The following MACROD2 variants were observed in gnomAD, a reference collection of about 807,000 sequenced individuals.
MACROD2 encodes mono-ADP ribosylhydrolase 2.
Under a neutral mutation model 70.4 loss-of-function variants are expected in MACROD2, and 36 were observed. The ratio of observed to expected loss-of-function variants is 0.51; its 90% confidence interval spans 0.39 to 0.68. MACROD2 has a LOEUF of 0.68. Ranked by LOEUF, MACROD2 falls within the 30% of genes least tolerant of loss-of-function variation. The probability of loss-of-function intolerance (pLI) is 0.00; values close to 1 mark genes in which losing one functional copy is unlikely to be tolerated. For missense variants in MACROD2, 496 were observed against 538.4 expected (o/e 0.92, Z 0.78); for synonymous variants, 172 against 178.8 (o/e 0.96, Z 0.30).
chr20:15,712,483 A>C (rs1446833451), intron 8 of MACROD2, among the ~76,000 whole-genome samples: 1 of 152,114 alleles, frequency 6.6e-6, no homozygotes, highest in African/African-American at 2.4e-5. Context: ...ATCAGATTAC[A>C]CATCTTATTT....
intron 4 of MACROD2, among the ~76,000 whole-genome samples, chr20:14,528,882 A>G (rs528598142): frequency 1.3e-5 from 2 of 152,148 alleles, no homozygotes; most frequent in Non-Finnish European, 2.9e-5. Flanking sequence ...TACCCACCCT[A>G]TGGAGGAAGG....
chr20:14,773,546 TG>T (rs2072197942), intron 5 of MACROD2, among the ~76,000 whole-genome samples: 2 of 152,176 alleles, frequency 1.3e-5, no homozygotes, highest in East Asian at 3.9e-4. Flanking sequence ...TTATCACAAA[TG>T]GGAGGATTTT....
intron 8 of MACROD2, among the ~76,000 whole-genome samples, chr20:15,522,918 T>C (rs1285191956): frequency 1.3e-5 from 2 of 152,198 alleles, no homozygotes; most frequent in Non-Finnish European, 2.9e-5. Context: ...CAAATTCACT[T>C]TCTGCCACCT....
At chr20:14,165,870 T>C (rs2055260745) in intron 3 of MACROD2, among the ~76,000 whole-genome samples, 1 of 152,208 alleles carries the variant, frequency 6.6e-6, no homozygotes, top group Non-Finnish European at 1.5e-5. Context: ...TTCAGGAACC[T>C]ATCTCTACTA....
At chr20:15,693,831 C>T (rs1049369098) in intron 8 of MACROD2, among the ~76,000 whole-genome samples, 1 of 152,116 alleles carries the variant, frequency 6.6e-6, no homozygotes, top group Non-Finnish European at 1.5e-5. Flanking sequence ...AGTACACACT[C>T]TACCATATTT....
At chr20:14,373,846 T>G (rs1362525821) in intron 3 of MACROD2, among the ~76,000 whole-genome samples, 3 of 152,192 alleles carry the variant, frequency 2.0e-5, no homozygotes, top group Non-Finnish European at 4.4e-5. Flanking sequence ...ATGCTCCTTG[T>G]TTTGTTTATT....
chr20:15,002,968 G>A (rs1329634118), intron 5 of MACROD2, among the ~76,000 whole-genome samples: 1 of 152,164 alleles, frequency 6.6e-6, no homozygotes, highest in African/African-American at 2.4e-5. Flanking sequence ...TGTCTGTACA[G>A]TGTGTGTTAC....
intron 8 of MACROD2, among the ~76,000 whole-genome samples, chr20:15,616,174 G>T (rs914223601): frequency 6.7e-6 from 1 of 148,758 alleles, no homozygotes; most frequent in Admixed American, 6.7e-5. Context: ...TGTGATCTCG[G>T]CCCACTGCGC....
intron 6 of MACROD2, among the ~76,000 whole-genome samples, chr20:15,271,758 G>A (rs1198407428): frequency 1.3e-5 from 2 of 152,184 alleles, no homozygotes; most frequent in Admixed American, 6.5e-5. Flanking sequence ...TATGGTAGCA[G>A]GCAAGCTGAT....
chr20:14,663,577 A>AT (rs1986343013), intron 4 of MACROD2, among the ~76,000 whole-genome samples: 1 of 151,532 alleles, frequency 6.6e-6, no homozygotes, highest in African/African-American at 2.4e-5. Context: ...TATATATATA[A>AT]AATGATGTGC....
chr20:15,126,111 C>CTTTTTTTT (rs5840654), intron 5 of MACROD2, among the ~76,000 whole-genome samples: 2 of 98,788 alleles, frequency 2.0e-5, no homozygotes, highest in Non-Finnish European at 3.9e-5. Context: ...ATTGTTTCAA[C>CTTTTTTTT]TTTTTTTTTT....
rs1191344231 is a variant in MACROD2, at chr20:14,275,629, A to G, written c.271+189901A>G. Among the ~76,000 whole-genome samples the G allele has an allele frequency of 5.3e-5, 8 of 151,940 alleles. 1 individual carries two copies. Among genetic ancestry groups the G allele is most frequent in the Admixed American group, 2.0e-4 (3 of 15,256 alleles). On this transcript the variant is annotated intron_variant, in intron 3 of 17. Transcript: ENST00000684519. ...TGGCAACAAAAGCCAAAATTGACAA[A>G]TGGGATCTAATTAAACTAAAGAGCT...
chr20:15,802,892 T>C (rs1310050899), intron 8 of MACROD2, among the ~76,000 whole-genome samples: 1 of 152,022 alleles, frequency 6.6e-6, no homozygotes, highest in Non-Finnish European at 1.5e-5. Context: ...TGAACAACTA[T>C]ACGCTAACAA....
At chr20:14,424,441 C>G (rs572696492) in intron 3 of MACROD2, among the ~76,000 whole-genome samples, 1 of 152,162 alleles carries the variant, frequency 6.6e-6, no homozygotes, top group Non-Finnish European at 1.5e-5. Context: ...CTTCTTCTTT[C>G]TCTCCTCTGT....
intron 3 of MACROD2, among the ~76,000 whole-genome samples, chr20:14,094,438 G>T (rs2054195210): frequency 6.6e-6 from 1 of 152,158 alleles, no homozygotes; most frequent in African/African-American, 2.4e-5. Context: ...CTGCTAAACT[G>T]TTTTCATTAA....
intron 5 of MACROD2, among the ~76,000 whole-genome samples, chr20:15,201,436 T>C (rs977238211): frequency 2.0e-5 from 3 of 152,184 alleles, no homozygotes; most frequent in Non-Finnish European, 2.9e-5. Context: ...AAACATTTAG[T>C]AGTTATACAT....
Position 15,497,873 on chromosome 20 carries a change from C to T in MACROD2, c.572-1901C>T, listed in dbSNP as rs866233438. ...CCTCTTTACTTGTCTATTTCCTCCC[C>T]TAGACTTTGGGCTTTTAGAGGACAG... On this transcript the variant is annotated intron_variant, in intron 7 of 17. Coordinates refer to ENST00000684519, the MANE Select transcript of MACROD2 (RefSeq NM_001351661.2). Among the ~76,000 whole-genome samples, 23 of 152,234 alleles carry T rather than the reference C, an allele frequency of 1.5e-4. No homozygotes were observed. The Middle Eastern group carries it at 0.014, about 90-fold the overall frequency.
In MACROD2 at chr20:14,023,457, G is replaced by A. The variant is rs185650368; in HGVS notation, c.163+21053G>A. Among the ~76,000 whole-genome samples, 331 of 152,248 alleles carry A rather than the reference G, an allele frequency of 2.2e-3. 1 individual carries two copies. The highest frequency in any genetic ancestry group is 0.017 in the Middle Eastern group (5 of 294). Reference sequence around the variant, plus strand: ...TGTTGCCATTGCTTTTTATGTTTTAGTTATGAAGCCTTTGCCCATGCCTAT... The same window carrying A: ...TGTTGCCATTGCTTTTTATGTTTTAATTATGAAGCCTTTGCCCATGCCTAT... On this transcript the variant is annotated intron_variant, in intron 2 of 17. Coordinates refer to ENST00000684519, the MANE Select transcript of MACROD2 (RefSeq NM_001351661.2).
In MACROD2 at chr20:14,930,530, T is replaced by C. The variant is rs547410784; in HGVS notation, c.418+245571T>C. ...TCTCTTTACTTTAGCATTTCATCTA[T>C]AAATTTAGTATGTCACAGGCACCTA... On this transcript the variant is annotated intron_variant, in intron 5 of 17. Coordinates refer to ENST00000684519, the MANE Select transcript of MACROD2 (RefSeq NM_001351661.2). 5.3e-5 allele frequency among the ~76,000 whole-genome samples: 8 copies of C among 152,284 alleles called. No individual in the cohort carries two copies. The East Asian group carries it at 1.4e-3, about 26-fold the overall frequency.
Sources: gnomAD v4.1 joint callset for allele counts (sites outside exome capture counted in the v4.1 genomes callset) on GRCh38, gnomAD v4.1.1 for gene constraint, MANE v1.5 for transcripts, NCBI Gene and HGNC (gene_info 2026-07-23, HGNC 2026-07-21) for gene names.